Variants in ZBTB20 observed in about 807,000 individuals in gnomAD.
The protein encoded by ZBTB20 is zinc finger and BTB domain-containing protein 20.
A neutral mutation model predicts 56.9 loss-of-function variants in ZBTB20; 9 were observed. The ratio of observed to expected loss-of-function variants is 0.16; its 90% CI spans 0.10 to 0.28. The LOEUF is 0.28. Among genes scored for constraint, ZBTB20 ranks in the 10% least tolerant of loss-of-function variants. The probability of loss-of-function intolerance (pLI) is 1.00; values close to 1 mark genes in which losing one functional copy is unlikely to be tolerated. For synonymous variants in ZBTB20, 417 were observed against 420.7 expected (o/e 0.99, Z 0.11); for missense variants, 655 against 1,003.0 (o/e 0.65, Z 4.69).
At chr3:114,986,555 AC>A (rs1286898986) in intron 2 of ZBTB20, among the ~76,000 whole-genome samples, 1 of 152,084 alleles carries the variant, frequency 6.6e-6, no homozygotes, top group Non-Finnish European at 1.5e-5. Context: ...GTTGTCAGAT[AC>A]CCTGTAAGCC....
rs201829025 is a variant in ZBTB20 at position 114,401,083 on chromosome 3, G to GACAC, written c.-254-11982_-254-11979dup. 6.0e-3 allele frequency among the ~76,000 whole-genome samples: 798 copies of GACAC among 133,098 alleles called. 9 individuals are homozygous for GACAC. The highest frequency in any genetic ancestry group is 0.015 in the East Asian group (66 of 4,506). The allele number at this position is 133,098 out of a possible 152,430, so 87.3% of individuals were successfully genotyped here. ...AGGTAGGGAATCTGTCTACCTCCCA[G>GACAC]ACACACACACACACACACACACACA... is the stretch of plus-strand genomic sequence containing the variant. On this transcript the variant is annotated intron_variant, in intron 7 of 11. Transcript: ENST00000675478.
intron 6 of ZBTB20, among the ~76,000 whole-genome samples, chr3:114,670,294 A>G (rs1292908853): frequency 6.6e-6 from 1 of 151,988 alleles, no homozygotes; most frequent in Non-Finnish European, 1.5e-5. Flanking sequence ...AACCCCAAAA[A>G]TTTACTTCCT....
At chr3:114,558,236 A>T (rs1183283392) in intron 6 of ZBTB20, among the ~76,000 whole-genome samples, 1 of 152,068 alleles carries the variant, frequency 6.6e-6, no homozygotes, top group East Asian at 1.9e-4. Context: ...TTCAGGAAAC[A>T]GAGGAAGCAC....
At chr3:114,609,922 A>T (rs930091206) in intron 6 of ZBTB20, among the ~76,000 whole-genome samples, 13 of 152,226 alleles carry the variant, frequency 8.5e-5, no homozygotes, top group Non-Finnish European at 1.5e-4. Flanking sequence ...CAAGAAAATT[A>T]GCAGTCAACA....
At chr3:115,131,940 G>C (rs1428712884) in intron 1 of ZBTB20, among the ~76,000 whole-genome samples, 1 of 152,036 alleles carries the variant, frequency 6.6e-6, no homozygotes, top group African/African-American at 2.4e-5. Context: ...ATGTTGTTTA[G>C]ATGAGCTGAC....
chr3:114,886,510 T>G lies in ZBTB20; in HGVS notation c.-417+13794A>C, dbSNP rs192315585. On this transcript the variant is annotated intron_variant, in intron 4 of 11. Transcript: ENST00000675478. ...ATCTGGAGATCATTACGAAAAACATTTTCTGCAACTCTTGATTTACTTAGG... is the reference window on the plus strand; with the variant it reads ...ATCTGGAGATCATTACGAAAAACATGTTCTGCAACTCTTGATTTACTTAGG... 5.9e-4 allele frequency among the ~76,000 whole-genome samples: 90 copies of G among 152,332 alleles called. 2 individuals carry two copies. Among genetic ancestry groups the G allele is most frequent in the African/African-American group, 2.0e-3 (84 of 41,572 alleles).
intron 10 of ZBTB20, among the ~76,000 whole-genome samples, chr3:114,376,729 G>A (rs891882934): frequency 6.6e-6 from 1 of 152,180 alleles, no homozygotes; most frequent in Non-Finnish European, 1.5e-5. Context: ...CTGTTCATGC[G>A]TAAGTGCATC....
rs1481327760 is a variant in ZBTB20 at position 114,314,663 on chromosome 3, CAATT to C, written c.*24338_*24341del. ...AAACAAACATCATTCTTAGCAACAT[CAATT>C]ACTCTTCCACACAAAACAGAAACCT... On this transcript the variant is annotated 3_prime_UTR_variant, in exon 12 of 12. Coordinates refer to ENST00000675478, the MANE Select transcript of ZBTB20 (RefSeq NM_001348800.3). 1 of 151,332 alleles carries C rather than the reference CAATT, an allele frequency of 6.6e-6. No individual in the cohort carries two copies. Among genetic ancestry groups the C allele is most frequent in the Non-Finnish European group, 1.5e-5 (1 of 67,844 alleles). 9.4% of individuals were successfully genotyped at this position (151,332 alleles called of 1,614,324 possible). A position where few individuals can be genotyped will look rare whatever the true frequency, so the allele number is the denominator to read the frequency against.
Position 114,865,807 on chromosome 3 carries a change from G to T in ZBTB20, c.-417+34497C>A, listed in dbSNP as rs967480895. On this transcript the variant is annotated intron_variant, in intron 4 of 11. Transcript: ENST00000675478. ...TATCATTTAAAATTCATGGATGAAG[G>T]TAGTATCCCTAGAAATGATCTGATT... Among the ~76,000 whole-genome samples, 5 of 152,260 alleles carry T rather than the reference G, an allele frequency of 3.3e-5. No homozygotes were observed. In the South Asian group the frequency reaches 1.0e-3, roughly 32 times the overall value.
rs138050519 is a variant in ZBTB20 at position 114,316,217 on chromosome 3, C to T, written c.*22788G>A. On this transcript the variant is annotated 3_prime_UTR_variant, in exon 12 of 12. Transcript: ENST00000675478. ...GGTATATAGAACATTACTGCATTCG[C>T]ATCGGATCAAGATGGTTTCGCCCAT... 1,243 of 311,174 alleles carry T rather than the reference C, an allele frequency of 4.0e-3. 13 individuals are homozygous for T. Among genetic ancestry groups the T allele is most frequent in the African/African-American group, 0.027 (1,153 of 43,206 alleles). 19.3% of individuals were successfully genotyped at this position (311,174 alleles called of 1,614,324 possible). A position where few individuals can be genotyped will look rare whatever the true frequency, so the allele number is the denominator to read the frequency against.
At chr3:114,528,821 A>AT (rs371366937) in intron 6 of ZBTB20, 8 of 151,766 alleles carry the variant, frequency 5.3e-5, no homozygotes, top group South Asian at 2.1e-4. Flanking sequence ...CGTATTGCAG[A>AT]TTTTTTTTTC....
At chr3:114,474,431 C>T (rs1442493942) in intron 7 of ZBTB20, among the ~76,000 whole-genome samples, 1 of 152,226 alleles carries the variant, frequency 6.6e-6, no homozygotes, top group East Asian at 1.9e-4. Context: ...GACCTGCAAG[C>T]AGCCAAAATT....
At chr3:114,827,431 G>A (rs74870699) in intron 4 of ZBTB20, among the ~76,000 whole-genome samples, 11 of 151,834 alleles carry the variant, frequency 7.2e-5, no homozygotes, top group African/African-American at 2.4e-4. Flanking sequence ...CCATTAGTTC[G>A]TTAGTTATAT....
chr3:114,643,986 A>G (rs2059698757), intron 6 of ZBTB20, among the ~76,000 whole-genome samples: 1 of 152,002 alleles, frequency 6.6e-6, no homozygotes, highest in African/African-American at 2.4e-5. Context: ...GTTCTCTTTA[A>G]CTATTTTTTG....
At position 114,605,203 on chromosome 3, in the gene ZBTB20, T is replaced by G. The variant is rs114430039; in HGVS notation, c.-295+88325A>C. 6.5e-3 allele frequency among the ~76,000 whole-genome samples: 996 copies of G among 152,190 alleles called. 4 individuals are homozygous for G. Among genetic ancestry groups the G allele is most frequent in the Non-Finnish European group, 0.012 (784 of 67,988 alleles). On this transcript the variant is annotated intron_variant, in intron 6 of 11. Transcript: ENST00000675478. ...GTAATAGTATAATTTTTTTGTAAAATAAGCAACACATTTATCCACTAGTCA... is the reference window on the plus strand; with the variant it reads ...GTAATAGTATAATTTTTTTGTAAAAGAAGCAACACATTTATCCACTAGTCA...
At chr3:114,853,602 G>A (rs2075111212) in intron 4 of ZBTB20, among the ~76,000 whole-genome samples, 1 of 152,174 alleles carries the variant, frequency 6.6e-6, no homozygotes, top group Non-Finnish European at 1.5e-5. Context: ...CTTGTAAGGT[G>A]TCCTGTTGTA....
intron 2 of ZBTB20, among the ~76,000 whole-genome samples, chr3:115,063,291 A>C (rs2082077977): frequency 6.6e-6 from 1 of 152,212 alleles, no homozygotes; most frequent in Non-Finnish European, 1.5e-5. Context: ...ACAGAATTTA[A>C]CAACAAAAAT....
intron 2 of ZBTB20, among the ~76,000 whole-genome samples, chr3:115,061,003 A>G (rs1052556075): frequency 4.6e-5 from 7 of 152,068 alleles, no homozygotes; most frequent in Non-Finnish European, 7.4e-5. Context: ...CCATTATTTT[A>G]TATCTTCCGA....
intron 4 of ZBTB20, among the ~76,000 whole-genome samples, chr3:114,838,278 T>C (rs1442163942): frequency 6.6e-6 from 1 of 152,212 alleles, no homozygotes. Flanking sequence ...ATTTGATACA[T>C]CAGGTTTAAC....
Sources: allele counts gnomAD v4.1 joint callset (sites outside exome capture counted in the v4.1 genomes callset), GRCh38; gene constraint gnomAD v4.1.1; transcripts MANE v1.5; gene names NCBI Gene and HGNC (gene_info 2026-07-23, HGNC 2026-07-21).